ANKHD1: variants seen among roughly 807,000 people sequenced by gnomAD.
ANKHD1 encodes ankyrin repeat and KH domain-containing protein 1.
Under a neutral mutation model 230.5 loss-of-function variants are expected in ANKHD1, and 31 were observed. That is an observed-to-expected ratio of 0.13 (90% CI 0.10 to 0.18). The LOEUF is 0.18. Among genes scored for constraint, ANKHD1 ranks in the 10% least tolerant of loss-of-function variants. The pLI is 1.00. For missense variants in ANKHD1, 2,256 were observed against 3,071.3 expected (o/e 0.73, Z 6.27); for synonymous variants, 1,074 against 1,117.6 (o/e 0.96, Z 0.78).
At chr5:140,494,838 T>C (rs1477405408) in intron 14 of ANKHD1, among the ~76,000 whole-genome samples, 1 of 152,254 alleles carries the variant, frequency 6.6e-6, no homozygotes, top group Admixed American at 6.5e-5. Flanking sequence ...TTGACTGCAA[T>C]TCAAAATAAT....
At chr5:140,490,525 G>A (rs767221824) in intron 14 of ANKHD1, among the ~76,000 whole-genome samples, 13 of 152,226 alleles carry the variant, frequency 8.5e-5, no homozygotes, top group South Asian at 4.1e-4. Flanking sequence ...TCAGAATCAC[G>A]TCCATAAAAT....
chr5:140,434,688 A>G (rs1018694528), intron 1 of ANKHD1, among the ~76,000 whole-genome samples: 6 of 151,430 alleles, frequency 4.0e-5, no homozygotes, highest in Non-Finnish European at 8.8e-5. Flanking sequence ...TTTTTTTTTA[A>G]TTTTTTATTT....
At position 140,440,968 on chromosome 5, in the gene ANKHD1, TTCTC is replaced by T. The variant is rs767001442; in HGVS notation, c.766-25_766-22del. 23 of 1,522,092 alleles carry T rather than the reference TTCTC, an allele frequency of 1.5e-5. No individual in the cohort carries two copies. The South Asian group carries it at 2.6e-4, about 17-fold the overall frequency. 94.3% of individuals were successfully genotyped at this position (1,522,092 alleles called of 1,614,324 possible). A position where few individuals can be genotyped will look rare whatever the true frequency, so the allele number is the denominator to read the frequency against. ...CTATTGAATAGTAAGAATTAACAAT[TTCTC>T]TGTCTGTATATGTGTTTTAAAGGTA... On this transcript the variant is annotated intron_variant, in intron 4 of 33. Coordinates refer to ENST00000360839, the MANE Select transcript of ANKHD1 (RefSeq NM_017747.3).
intron 1 of ANKHD1, among the ~76,000 whole-genome samples, chr5:140,433,707 C>G (rs1773236405): frequency 6.6e-6 from 1 of 152,020 alleles, no homozygotes; most frequent in Non-Finnish European, 1.5e-5. Flanking sequence ...GAATGAGAGA[C>G]TACTGGAAAT....
chr5:140,532,633 T>C (rs1455202532), intron 29 of ANKHD1, among the ~76,000 whole-genome samples: 8 of 152,136 alleles, frequency 5.3e-5, no homozygotes, highest in Non-Finnish European at 4.4e-5. Context: ...ACAGAAATGT[T>C]CTAAAATTGA....
intron 1 of ANKHD1, 36 bp downstream of exon 1, chr5:140,402,309 G>A: frequency 7.0e-7 from 1 of 1,436,652 alleles, no homozygotes; most frequent in East Asian, 2.9e-5. Flanking sequence ...CACACATTGT[G>A]AGGCGTGAAT....
intron 3 of ANKHD1, 112 bp from the exon 4 acceptor site, chr5:140,440,007 C>G: frequency 7.8e-7 from 1 of 1,283,472 alleles, no homozygotes; most frequent in African/African-American, 1.6e-5. Flanking sequence ...ATAATTTTTT[C>G]TTTTACTGCA....
chr5:140,416,162 T>A (rs1393805648), intron 1 of ANKHD1, among the ~76,000 whole-genome samples: 1 of 152,236 alleles, frequency 6.6e-6, no homozygotes, highest in Non-Finnish European at 1.5e-5. Context: ...GTGCATGTGG[T>A]ACATTTTCTT....
intron 25 of ANKHD1, among the ~76,000 whole-genome samples, chr5:140,525,146 A>T (rs1223135042): frequency 2.0e-5 from 3 of 151,970 alleles, no homozygotes; most frequent in Non-Finnish European, 4.4e-5. Context: ...AAAAAAGAAT[A>T]TTAAGAATGT....
intron 22 of ANKHD1, among the ~76,000 whole-genome samples, chr5:140,510,608 C>T (rs922991169): frequency 2.0e-5 from 3 of 151,746 alleles, no homozygotes; most frequent in Non-Finnish European, 1.5e-5. Context: ...CTTATCTTTC[C>T]ATTCTTTTGT....
At position 140,539,328 on chromosome 5, in the gene ANKHD1, A is replaced by G. The variant is rs199543681; in HGVS notation, c.7570-31A>G. The G allele has an allele frequency of 2.5e-6, 4 of 1,611,902 alleles. No individual in the cohort carries two copies. In the East Asian group the frequency reaches 8.9e-5, roughly 36 times the overall value. On this transcript the variant is annotated intron_variant, in intron 33 of 33. Transcript: ENST00000360839. ...TGTAACTGTCTAAAGATTCCTAATT[A>G]GAAATTCCAATTTTTCCTCCCCCTT... is the stretch of plus-strand genomic sequence containing the variant.
intron 30 of ANKHD1, chr5:140,536,043 T>G (rs1754053913): frequency 6.6e-6 from 1 of 152,260 alleles, no homozygotes; most frequent in African/African-American, 2.4e-5. Flanking sequence ...TTTTACATTT[T>G]ATGAAACTAT....
intron 10 of ANKHD1, 39 bp from the exon 11 acceptor site, chr5:140,482,541 G>T: frequency 6.2e-7 from 1 of 1,600,322 alleles, no homozygotes; most frequent in Non-Finnish European, 8.5e-7. Flanking sequence ...TGGTTAGACT[G>T]TTGGCATTGA....
intron 20 of ANKHD1, 43 bp from the exon 21 acceptor site, chr5:140,509,590 TAAAA>T (rs781478968): frequency 2.7e-6 from 4 of 1,461,606 alleles, no homozygotes; most frequent in East Asian, 2.5e-5. Flanking sequence ...ACGGAATAGT[TAAAA>T]AAAGAAATGT....
At chr5:140,515,452 G>A (rs975569701) in intron 24 of ANKHD1, among the ~76,000 whole-genome samples, 52 of 152,184 alleles carry the variant, frequency 3.4e-4, no homozygotes, top group Non-Finnish European at 6.8e-4. Context: ...GAAAAAAGAC[G>A]GGAGGAGCCA....
chr5:140,497,726 A>G (rs945976333), intron 15 of ANKHD1, among the ~76,000 whole-genome samples: 3 of 152,206 alleles, frequency 2.0e-5, no homozygotes, highest in Non-Finnish European at 4.4e-5. Context: ...CGTATTTCCA[A>G]TTAAATGGGA....
chr5:140,489,364 C>T (rs1438877991), intron 14 of ANKHD1, among the ~76,000 whole-genome samples: 1 of 152,032 alleles, frequency 6.6e-6, no homozygotes, highest in African/African-American at 2.4e-5. Context: ...GTTGCCTGTG[C>T]CTGTAGTCCC....
intron 15 of ANKHD1, chr5:140,498,245 T>C (rs1206966330): frequency 6.6e-6 from 1 of 152,306 alleles, no homozygotes; most frequent in Non-Finnish European, 1.5e-5. Flanking sequence ...TACTGTTGTC[T>C]GTTGCCTCTT....
chr5:140,440,310 T>C (rs765867911), intron 4 of ANKHD1, 44 bp downstream of exon 4: 2 of 1,574,152 alleles, frequency 1.3e-6, no homozygotes, highest in Admixed American at 1.9e-5. Flanking sequence ...TGGAAGGGTT[T>C]TGATGTTTTA....
Sources: allele counts gnomAD v4.1 joint callset (sites outside exome capture counted in the v4.1 genomes callset), GRCh38; gene constraint gnomAD v4.1.1; transcripts MANE v1.5; gene names NCBI Gene and HGNC (gene_info 2026-07-23, HGNC 2026-07-21).